The following RUNX1T1 variants were observed in gnomAD, a reference collection of about 807,000 sequenced individuals.
RUNX1T1 encodes the protein RUNX1 partner transcriptional co-repressor 1.
A neutral mutation model predicts 62.8 loss-of-function variants in RUNX1T1; 4 were observed. The ratio of observed to expected loss-of-function variants is 0.06; its 90% CI spans 0.03 to 0.15. The LOEUF (loss-of-function observed/expected upper bound fraction) is 0.15. Ranked by LOEUF, RUNX1T1 falls within the 10% of genes least tolerant of loss-of-function variation. The pLI is 1.00. For missense variants in RUNX1T1, 508 were observed against 754.3 expected (o/e 0.67, Z 3.82); for synonymous variants, 291 against 286.0 (o/e 1.02, Z -0.18).
At chr8:92,057,310 AAAAAT>A (rs1831198556) in intron 1 of RUNX1T1, among the ~76,000 whole-genome samples, 3 of 152,194 alleles carry the variant, frequency 2.0e-5, no homozygotes, top group African/African-American at 7.2e-5. Context: ...AACCCCTCTC[AAAAAT>A]AAAATAAGGA....
intron 1 of RUNX1T1, among the ~76,000 whole-genome samples, chr8:92,034,783 TATATATAC>T (rs1159293213): frequency 1.1e-3 from 123 of 111,780 alleles, no homozygotes; most frequent in African/African-American, 4.2e-3. Context: ...TATACACATA[TATATATAC>T]ATATATACAC....
intron 1 of RUNX1T1, among the ~76,000 whole-genome samples, chr8:92,023,265 T>C (rs1015131144): frequency 2.0e-5 from 3 of 152,348 alleles, no homozygotes; most frequent in African/African-American, 7.2e-5. Flanking sequence ...GAATTAAGCA[T>C]ATTAGGTTGT....
chr8:91,970,302 T>A (rs1325948237), intron 10 of RUNX1T1, among the ~76,000 whole-genome samples: 5 of 152,238 alleles, frequency 3.3e-5, no homozygotes, highest in African/African-American at 1.2e-4. Context: ...GCTTACACAG[T>A]ATCTATTAAA....
At chr8:92,093,564 C>T (rs369048891) in intron 1 of RUNX1T1, among the ~76,000 whole-genome samples, 2 of 152,138 alleles carry the variant, frequency 1.3e-5, no homozygotes, top group East Asian at 1.9e-4. Context: ...CGCTTCTCGG[C>T]CTTTTGGCTA....
downstream of RUNX1T1, chr8:91,958,321 C>T (rs1462278067): frequency 1.5e-5 from 3 of 196,856 alleles, no homozygotes; most frequent in African/African-American, 2.3e-5. Flanking sequence ...TTAATGGATT[C>T]ATACTATACC....
intron 8 of RUNX1T1, among the ~76,000 whole-genome samples, chr8:91,977,767 T>A (rs895388549): frequency 6.6e-6 from 1 of 152,106 alleles, no homozygotes; most frequent in African/African-American, 2.4e-5. Context: ...AGAAGAGACC[T>A]GTAGTTAATA....
chr8:91,989,843 T>G (rs2130861460), intron 6 of RUNX1T1, among the ~76,000 whole-genome samples: 1 of 152,304 alleles, frequency 6.6e-6, no homozygotes, highest in African/African-American at 2.4e-5. Context: ...ATAACCACCT[T>G]TGAAAGCTCT....
intron 2 of RUNX1T1, among the ~76,000 whole-genome samples, chr8:92,073,211 A>G (rs1419155459): frequency 6.6e-6 from 1 of 152,164 alleles, no homozygotes; most frequent in Non-Finnish European, 1.5e-5. Flanking sequence ...AATGGCAGGC[A>G]TTACAGGAGA....
At chr8:92,007,518 G>T (rs765379110) in intron 4 of RUNX1T1, among the ~76,000 whole-genome samples, 1 of 151,454 alleles carries the variant, frequency 6.6e-6, no homozygotes, top group African/African-American at 2.4e-5. Context: ...ATTAACAATG[G>T]GGATGCATTC....
At chr8:91,972,817 C>T (rs575354292) in intron 9 of RUNX1T1, among the ~76,000 whole-genome samples, 14 of 152,158 alleles carry the variant, frequency 9.2e-5, no homozygotes, top group African/African-American at 3.4e-4. Flanking sequence ...ATATTTATTA[C>T]CAACTGCAAA....
At chr8:92,051,673 T>G (rs1446874396) in intron 1 of RUNX1T1, among the ~76,000 whole-genome samples, 1 of 151,492 alleles carries the variant, frequency 6.6e-6, no homozygotes, top group Non-Finnish European at 1.5e-5. Context: ...AAATGCTCAG[T>G]TCAGACGCGG....
In RUNX1T1 at chr8:91,986,360, T is replaced by C. The variant is rs775581168; in HGVS notation, c.997-35A>G. 2.7e-6 allele frequency: 4 copies of C among 1,502,084 alleles called. No individual in the cohort carries two copies. The South Asian group carries it at 4.5e-5, about 17-fold the overall frequency. The allele number at this position is 1,502,084 out of a possible 1,614,324, so 93.0% of individuals were successfully genotyped here. On this transcript the variant is annotated intron_variant, in intron 7 of 10. Coordinates refer to ENST00000396218, the Ensembl canonical transcript of RUNX1T1. Reference sequence around the variant, plus strand: ...AAAGGGGAGAATAGGGAAGAGCATATAAATCATCACAATTAAAGATTTTGC... The same window carrying C: ...AAAGGGGAGAATAGGGAAGAGCATACAAATCATCACAATTAAAGATTTTGC...
intron 2 of RUNX1T1, among the ~76,000 whole-genome samples, chr8:92,072,140 T>G (rs1833780403): frequency 6.6e-6 from 1 of 152,250 alleles, no homozygotes; most frequent in Non-Finnish European, 1.5e-5. Flanking sequence ...ATAATTATAA[T>G]TTTTAACATG....
intron 3 of RUNX1T1, 88 bp downstream of exon 4, chr8:92,014,491 A>G: frequency 8.4e-7 from 1 of 1,192,876 alleles, no homozygotes; most frequent in Non-Finnish European, 1.2e-6. Flanking sequence ...ATAACAAAAT[A>G]CTTGCGAGAA....
rs1030261415 is a variant in RUNX1T1, at chr8:92,049,766, G to C, written c.7+12780C>G. Among the ~76,000 whole-genome samples, 8 of 152,096 alleles carry C rather than the reference G, an allele frequency of 5.3e-5. 1 individual carries two copies. Among genetic ancestry groups the C allele is most frequent in the Admixed American group, 2.0e-4 (3 of 15,260 alleles). Reference sequence around the variant, plus strand: ...AGATATTCAATCCCCAACACTATCTGCTCCTACTCATAATCCCACAATCCT... The same window carrying C: ...AGATATTCAATCCCCAACACTATCTCCTCCTACTCATAATCCCACAATCCT... On this transcript the variant is annotated intron_variant, in intron 1 of 10. Transcript: ENST00000396218.
intron 1 of RUNX1T1, among the ~76,000 whole-genome samples, chr8:92,030,415 T>C (rs2131303842): frequency 6.6e-6 from 1 of 152,282 alleles, no homozygotes; most frequent in East Asian, 1.9e-4. Flanking sequence ...AGTGGATATA[T>C]AAGAAATTTC....
rs993766079 is a variant in RUNX1T1 at position 92,037,849 on chromosome 8, T to C, written c.8-20486A>G. Among the ~76,000 whole-genome samples the C allele has an allele frequency of 2.0e-5, 3 of 152,134 alleles. No individual in the cohort carries two copies. The South Asian group carries it at 6.2e-4, about 32-fold the overall frequency. On this transcript the variant is annotated intron_variant, in intron 1 of 10. Coordinates refer to ENST00000396218, the Ensembl canonical transcript of RUNX1T1. ...TAATCCAATACTTATGGAATGTCTA[T>C]TTATGAAAACAATAAATATTTTTTA...
intron 1 of RUNX1T1, among the ~76,000 whole-genome samples, chr8:92,062,284 G>C (rs1183764802): frequency 6.6e-6 from 1 of 152,096 alleles, no homozygotes; most frequent in African/African-American, 2.4e-5. Context: ...ACAAACATCC[G>C]TGGCTGTACG....
At chr8:92,086,325 G>A (rs1310516010) in intron 1 of RUNX1T1, among the ~76,000 whole-genome samples, 1 of 152,182 alleles carries the variant, frequency 6.6e-6, no homozygotes, top group Non-Finnish European at 1.5e-5. Flanking sequence ...AAAGCAGGCT[G>A]CACTGGTCAA....
Sources: gnomAD v4.1 joint callset for allele counts (sites outside exome capture counted in the v4.1 genomes callset) on GRCh38, gnomAD v4.1.1 for gene constraint, MANE v1.5 for transcripts, NCBI Gene and HGNC (gene_info 2026-07-23, HGNC 2026-07-21) for gene names.